PACS1: variants seen among roughly 807,000 people sequenced by gnomAD.
PACS1 encodes phosphofurin acidic cluster sorting protein 1.
PACS1 carries 24 observed loss-of-function variants against 115.0 expected under a neutral mutation model. The ratio of observed to expected loss-of-function variants is 0.21; its 90% CI spans 0.15 to 0.29. The LOEUF (loss-of-function observed/expected upper bound fraction) is 0.29. PACS1 is among the 10% of genes least tolerant of loss of function. The probability of loss-of-function intolerance (pLI) is 1.00; values close to 1 mark genes in which losing one functional copy is unlikely to be tolerated. For missense variants in PACS1, 838 were observed against 1,251.2 expected (o/e 0.67, Z 4.98); for synonymous variants, 453 against 504.5 (o/e 0.90, Z 1.37).
chr11:66,091,349 C>A (rs1334126264), intron 1 of PACS1, among the ~76,000 whole-genome samples: 2 of 151,996 alleles, frequency 1.3e-5, no homozygotes, highest in Non-Finnish European at 2.9e-5. Context: ...CCAAGTTGTC[C>A]AGTCTGGTCT....
At chr11:66,165,157 T>G (rs1331474103) in intron 1 of PACS1, among the ~76,000 whole-genome samples, 1 of 152,240 alleles carries the variant, frequency 6.6e-6, no homozygotes, top group East Asian at 1.9e-4. Flanking sequence ...ACCAGTATTC[T>G]TCATTCTGCC....
intron 1 of PACS1, among the ~76,000 whole-genome samples, chr11:66,154,550 GT>G (rs2134614267): frequency 6.6e-6 from 1 of 152,290 alleles, no homozygotes; most frequent in East Asian, 1.9e-4. Flanking sequence ...AACCATTTAT[GT>G]TTTGGTCAGA....
intron 1 of PACS1, among the ~76,000 whole-genome samples, chr11:66,167,662 C>T (rs1238435200): frequency 6.7e-6 from 1 of 150,144 alleles, no homozygotes; most frequent in East Asian, 1.9e-4. Flanking sequence ...TTTTGCCTTT[C>T]ACATATAAGT....
intron 10 of PACS1, among the ~76,000 whole-genome samples, chr11:66,225,894 CGTG>C (rs1399447899): frequency 2.0e-5 from 3 of 152,140 alleles, no homozygotes; most frequent in African/African-American, 7.2e-5. Context: ...CGAGGCTGGG[CGTG>C]GTGGCTCACA....
intron 1 of PACS1, among the ~76,000 whole-genome samples, chr11:66,160,818 G>A (rs1005876179): frequency 1.8e-4 from 27 of 151,858 alleles, no homozygotes; most frequent in African/African-American, 6.5e-4. Context: ...CACTGCACCT[G>A]ACCAAAAAGC....
intron 4 of PACS1, among the ~76,000 whole-genome samples, chr11:66,211,821 A>G (rs766133899): frequency 2.6e-5 from 4 of 152,164 alleles, no homozygotes; most frequent in Non-Finnish European, 5.9e-5. Context: ...TCTCAGTGAT[A>G]CCCTTTATGG....
intron 21 of PACS1, among the ~76,000 whole-genome samples, chr11:66,240,514 G>C (rs1272858388): frequency 1.3e-5 from 2 of 152,150 alleles, no homozygotes; most frequent in Non-Finnish European, 2.9e-5. Context: ...GTGGCACGAA[G>C]CCTGCCCCGG....
At chr11:66,183,553 G>A (rs1203801) in intron 1 of PACS1, among the ~76,000 whole-genome samples, 150,201 of 152,326 alleles carry the variant, frequency 0.99, 74,079 homozygotes, top group Middle Eastern at 1. Flanking sequence ...CTTGTCTTCT[G>A]TTCCTTGCAT....
rs1485630920 is a variant in PACS1, at chr11:66,221,342, T to G, written c.1293+95T>G. 15 of 1,116,654 alleles carry G rather than the reference T, an allele frequency of 1.3e-5. No homozygotes were observed. In the Middle Eastern group the frequency reaches 8.2e-4, roughly 61 times the overall value. The allele number at this position is 1,116,654 out of a possible 1,614,324, so 69.2% of individuals were successfully genotyped here. A position where few individuals can be genotyped will look rare whatever the true frequency, so the allele number is the denominator to read the frequency against. On this transcript the variant is annotated intron_variant, in intron 10 of 23. Transcript: ENST00000320580. ...GCATCTCTGATCAGGGCTCATGTTG[T>G]GACCTTAGAAAAGTGGCCCCATTGG...
chr11:66,079,017 C>T (rs1857438159), intron 1 of PACS1, among the ~76,000 whole-genome samples: 1 of 152,198 alleles, frequency 6.6e-6, no homozygotes, highest in Non-Finnish European at 1.5e-5. Context: ...AAGTGATTCT[C>T]CAGCCTCAGC....
At chr11:66,083,466 A>G (rs1473837527) in intron 1 of PACS1, among the ~76,000 whole-genome samples, 2 of 152,216 alleles carry the variant, frequency 1.3e-5, no homozygotes, top group East Asian at 3.8e-4. Flanking sequence ...CCATGGAGAA[A>G]AAGGAAAGTA....
chr11:66,153,615 A>G (rs1446578810), intron 1 of PACS1, among the ~76,000 whole-genome samples: 6 of 152,222 alleles, frequency 3.9e-5, no homozygotes, highest in Admixed American at 3.9e-4. Context: ...CCCCGTCTCT[A>G]CCAAAAATAC....
intron 1 of PACS1, among the ~76,000 whole-genome samples, chr11:66,108,032 G>A (rs1269666460): frequency 6.6e-6 from 1 of 152,170 alleles, no homozygotes; most frequent in Non-Finnish European, 1.5e-5. Flanking sequence ...CATGACAGCT[G>A]CCAACAAGGC....
chr11:66,227,411 T>G, intron 10 of PACS1, 93 bp from the exon 11 acceptor site: 3 of 717,260 alleles, frequency 4.2e-6, no homozygotes, highest in Non-Finnish European at 7.2e-6. Flanking sequence ...TGAGATTAAA[T>G]GAAAGTATTT....
At chr11:66,172,857 TC>T (rs1859769972) in intron 1 of PACS1, among the ~76,000 whole-genome samples, 1 of 151,362 alleles carries the variant, frequency 6.6e-6, no homozygotes, top group African/African-American at 2.4e-5. Flanking sequence ...GTGCCTGTAG[TC>T]CCAGCTACTC....
intron 1 of PACS1, among the ~76,000 whole-genome samples, chr11:66,115,755 CT>C (rs1858291341): frequency 1.3e-5 from 2 of 152,214 alleles, no homozygotes; most frequent in East Asian, 1.9e-4. Flanking sequence ...TTCGTATTAG[CT>C]GACCTCGGTA....
intron 1 of PACS1, among the ~76,000 whole-genome samples, chr11:66,076,139 C>T (rs1262053354): frequency 1.3e-5 from 2 of 152,186 alleles, no homozygotes; most frequent in Non-Finnish European, 2.9e-5. Flanking sequence ...TAGTATCCAT[C>T]GTCCCTGTGG....
intron 1 of PACS1, among the ~76,000 whole-genome samples, chr11:66,081,953 AT>A (rs1426245666): frequency 1.3e-5 from 2 of 152,170 alleles, no homozygotes; most frequent in Non-Finnish European, 2.9e-5. Context: ...CTGATAATAC[AT>A]TTGTGGTCTC....
rs770952138 is a variant in PACS1, at chr11:66,193,591, G to T, written c.444+18G>T. On this transcript the variant is annotated intron_variant, in intron 2 of 23. Coordinates refer to ENST00000320580, the MANE Select transcript of PACS1 (RefSeq NM_018026.4). ...AGCTGCAGGTGAGTGGGGCAGGACTGTTTGTTCAGGGCCCAGGGAAGCTGG... is the reference window on the plus strand; with the variant it reads ...AGCTGCAGGTGAGTGGGGCAGGACTTTTTGTTCAGGGCCCAGGGAAGCTGG... The T allele has an allele frequency of 1.3e-5, 21 of 1,572,718 alleles. 2 individuals carry two copies. In the South Asian group the frequency reaches 2.3e-4, roughly 17 times the overall value.
Sources: allele counts gnomAD v4.1 joint callset (sites outside exome capture counted in the v4.1 genomes callset), GRCh38; gene constraint gnomAD v4.1.1; transcripts MANE v1.5; gene names NCBI Gene and HGNC (gene_info 2026-07-23, HGNC 2026-07-21).